PRRC2C: variants seen among roughly 807,000 people sequenced by gnomAD.
PRRC2C encodes the protein proline rich coiled-coil 2C, also known as protein PRRC2C.
Under a neutral mutation model 317.2 loss-of-function variants are expected in PRRC2C, and 72 were observed. The observed-to-expected ratio is 0.23, with a 90% confidence interval of 0.19 to 0.28. The LOEUF (loss-of-function observed/expected upper bound fraction) is 0.28, where lower values mean the gene tolerates loss of function less well. Among genes scored for constraint, PRRC2C ranks in the 10% least tolerant of loss-of-function variants. PRRC2C has a pLI of 1.00. For missense variants in PRRC2C, 3,074 were observed against 3,459.7 expected (o/e 0.89, Z 2.80); for synonymous variants, 1,296 against 1,205.9 (o/e 1.07, Z -1.55).
At chr1:171,554,324 A>C (rs1680912772) in intron 18 of PRRC2C, among the ~76,000 whole-genome samples, 1 of 152,078 alleles carries the variant, frequency 6.6e-6, no homozygotes, top group Non-Finnish European at 1.5e-5. Context: ...TGCTTAGTAG[A>C]TCTTCCTCCA....
At chr1:171,537,991 C>T (rs1677165248) in intron 15 of PRRC2C, among the ~76,000 whole-genome samples, 1 of 152,206 alleles carries the variant, frequency 6.6e-6, no homozygotes, top group Admixed American at 6.5e-5. Flanking sequence ...AGCTCTGCCT[C>T]CCGGGTTCAC....
chr1:171,558,180 C>A (rs1681811170), intron 19 of PRRC2C, 37 bp downstream of exon 19: 1 of 1,568,102 alleles, frequency 6.4e-7, no homozygotes, highest in Non-Finnish European at 8.7e-7. Flanking sequence ...TGGGGAATGG[C>A]ATAGGAATAC....
chr1:171,586,979 A>T, intron 30 of PRRC2C, 24 bp from the exon 31 acceptor site: 1 of 1,507,362 alleles, frequency 6.6e-7, no homozygotes, highest in Non-Finnish European at 9.1e-7. Flanking sequence ...AAATTGCTTC[A>T]GTTTCTCTTT....
At chr1:171,512,252 T>G in intron 2 of PRRC2C, 52 bp downstream of exon 2, 1 of 1,222,768 alleles carries the variant, frequency 8.2e-7, no homozygotes, top group Non-Finnish European at 1.2e-6. Context: ...TTTGTTACTA[T>G]AAGTGATACA....
intron 22 of PRRC2C, 78 bp from the exon 23 acceptor site, chr1:171,568,169 C>T (rs1406116827): frequency 1.7e-5 from 25 of 1,467,558 alleles, no homozygotes; most frequent in African/African-American, 9.9e-5. Flanking sequence ...TGCATGATAG[C>T]GAGACTCAAA....
chr1:171,553,875 G>C (rs1370386781), intron 18 of PRRC2C, among the ~76,000 whole-genome samples: 1 of 152,156 alleles, frequency 6.6e-6, no homozygotes, highest in African/African-American at 2.4e-5. Flanking sequence ...GGTGAGGAGT[G>C]CTTACTTCCA....
In PRRC2C at chr1:171,557,926, C is replaced by G. The variant is rs1571996819; in HGVS notation, c.5814C>G (p.Thr1938=). 1.3e-6 allele frequency: 2 copies of G among 1,582,872 alleles called. No individual in the cohort carries two copies. Among genetic ancestry groups the G allele is most frequent in the Non-Finnish European group, 1.7e-6 (2 of 1,164,950 alleles). Reference sequence around the variant, plus strand: ...CCCCAGCCCAGACTCAGGCACAGACCCACAAACCAGTCCAGAATCCACTAC... The same window carrying G: ...CCCCAGCCCAGACTCAGGCACAGACGCACAAACCAGTCCAGAATCCACTAC... The part of the protein sequence containing the change: ...PPAPAQTQAQ[T]HKPVQNPLQT... Residue 1938 remains threonine (T), a synonymous_variant, in exon 19 of 35, where the codon ACC becomes ACG. Transcript: ENST00000647382.
chr1:171,574,638 G>A (rs1262353064), intron 24 of PRRC2C, among the ~76,000 whole-genome samples: 1 of 152,166 alleles, frequency 6.6e-6, no homozygotes, highest in Admixed American at 6.5e-5. Flanking sequence ...GGAGAGAATG[G>A]ATATTTACTG....
At chr1:171,589,078 G>T (rs1441877341) in intron 33 of PRRC2C, among the ~76,000 whole-genome samples, 1 of 152,148 alleles carries the variant, frequency 6.6e-6, no homozygotes. Flanking sequence ...CTTTTGAAAA[G>T]ATAGCCTAAT....
intron 11 of PRRC2C, among the ~76,000 whole-genome samples, chr1:171,532,038 A>G (rs1205025946): frequency 6.6e-6 from 1 of 152,206 alleles, no homozygotes; most frequent in Non-Finnish European, 1.5e-5. Flanking sequence ...CTCTAAATTT[A>G]GATTTTGAGA....
intron 12 of PRRC2C, among the ~76,000 whole-genome samples, chr1:171,533,514 C>CT (rs1676246506): frequency 6.6e-6 from 1 of 152,010 alleles, no homozygotes; most frequent in Non-Finnish European, 1.5e-5. Flanking sequence ...CTTTTTTGTT[C>CT]TTCTCCGAGT....
chr1:171,528,286 A>ATTT (rs60053076), intron 11 of PRRC2C, among the ~76,000 whole-genome samples: 6 of 135,772 alleles, frequency 4.4e-5, no homozygotes, highest in South Asian at 2.4e-4. Context: ...CATCAGTGAA[A>ATTT]TTTTTTTTTT....
intron 1 of PRRC2C, among the ~76,000 whole-genome samples, chr1:171,494,721 G>A (rs1031995227): frequency 6.6e-5 from 10 of 151,814 alleles, no homozygotes; most frequent in South Asian, 2.1e-4. Context: ...CTTCACTTTC[G>A]CCTTCCGTGA....
rs1486453763 is a variant in PRRC2C at position 171,523,340 on chromosome 1, A to G, written c.953A>G (p.Asp318Gly). 6.2e-7 allele frequency: 1 copy of G among 1,613,984 alleles called. No individual in the cohort carries two copies. The highest frequency in any genetic ancestry group is 8.5e-7 in the Non-Finnish European group (1 of 1,179,884). ...DKFDNLDAEA[D>G]EGWAGAQMEV... Reference sequence around the variant, plus strand: ...TTTGATAACCTAGATGCTGAAGCTGATGAAGGTTGGGCAGGTAAGAGGCAA... The same window carrying G: ...TTTGATAACCTAGATGCTGAAGCTGGTGAAGGTTGGGCAGGTAAGAGGCAA... The change falls in exon 8 of 35, where the codon GAT becomes GGT. Residue 318 changes from aspartate to glycine, a missense_variant. Transcript: ENST00000647382.
Position 171,523,517 on chromosome 1 carries a change from T to A in PRRC2C, c.1050T>A (p.Asn350Lys), listed in dbSNP as rs1470267583. The change falls in exon 9 of 35, where the codon AAT (asparagine) becomes AAA (lysine). Residue 350 changes from asparagine (N) to lysine (K), a missense_variant. By Grantham distance (94) the Asn-to-Lys change is moderately conservative. This residue lies in a region of PRRC2C where 1,320 missense variants were observed against 1,395.7 expected (regional missense o/e 0.95). Transcript: ENST00000647382. ...AAGGAAGTAACAGTCCTAAAGAGAA[T>A]AACAGGTAAGTTGTGATATCTTTTA... Reference protein sequence around the residue: ...DEQGSNSPKENNSEDQGSKAS... With the variant: ...DEQGSNSPKEKNSEDQGSKAS... 6.2e-7 allele frequency: 1 copy of A among 1,606,914 alleles called. No individual in the cohort carries two copies.
At chr1:171,566,062 C>T (rs1683592483) in intron 20 of PRRC2C, among the ~76,000 whole-genome samples, 171 bp from the exon 21 acceptor site, 1 of 152,152 alleles carries the variant, frequency 6.6e-6, no homozygotes, top group African/African-American at 2.4e-5. Flanking sequence ...TTTTCTAGTA[C>T]AGACAAACAA....
At chr1:171,566,197 A>G (rs1000335629) in intron 20 of PRRC2C, 36 bp from the exon 21 acceptor site, 2 of 1,545,438 alleles carry the variant, frequency 1.3e-6, no homozygotes, top group Admixed American at 3.8e-5. Flanking sequence ...TCTGAACTAT[A>G]CTTTGCAAGC....
At chr1:171,588,582 T>G in intron 33 of PRRC2C, 77 bp downstream of exon 33, 3 of 1,444,168 alleles carry the variant, frequency 2.1e-6, no homozygotes. Flanking sequence ...TATCTTGCCT[T>G]ATGTTAACCA....
intron 13 of PRRC2C, 60 bp from the exon 14 acceptor site, chr1:171,535,969 G>C: frequency 6.5e-7 from 1 of 1,527,354 alleles, no homozygotes; most frequent in Non-Finnish European, 8.9e-7. Context: ...TGATATGATT[G>C]ATTATGTTAA....
Sources: gnomAD v4.1 joint callset for allele counts (sites outside exome capture counted in the v4.1 genomes callset) on GRCh38, gnomAD v4.1.1 for gene constraint, gnomAD v4.1.1 regional missense constraint, MANE v1.5 for transcripts, NCBI Gene and HGNC (gene_info 2026-07-23, HGNC 2026-07-21) for gene names.